The following CRACDL variants were observed in gnomAD, a reference collection of about 807,000 sequenced individuals.
CRACDL encodes CRACD-like protein.
A neutral mutation model predicts 70.6 loss-of-function variants in CRACDL; 26 were observed. That is an observed-to-expected ratio of 0.37 (90% confidence interval 0.27 to 0.51). The LOEUF is 0.51. Among genes scored for constraint, CRACDL ranks in the 20% least tolerant of loss-of-function variants. The probability of loss-of-function intolerance (pLI) is 0.94; values close to 1 mark genes in which losing one functional copy is unlikely to be tolerated. For synonymous variants in CRACDL, 618 were observed against 615.2 expected (o/e 1.00, Z -0.07); for missense variants, 1,283 against 1,376.9 (o/e 0.93, Z 1.08).
At chr2:98,894,505 G>A (rs572811403) in intron 1 of CRACDL, among the ~76,000 whole-genome samples, 5 of 152,312 alleles carry the variant, frequency 3.3e-5, no homozygotes, top group South Asian at 4.1e-4. Context: ...AGAGGGGTGC[G>A]GGGCGGGCCC....
intron 1 of CRACDL, among the ~76,000 whole-genome samples, chr2:98,922,301 ATGG>A (rs1708822622): frequency 6.6e-6 from 1 of 151,880 alleles, no homozygotes; most frequent in Non-Finnish European, 1.5e-5. Context: ...TGCACCGGGC[ATGG>A]TGGTGCACGC....
chr2:98,898,397 T>C (rs1294933979), intron 1 of CRACDL, among the ~76,000 whole-genome samples: 1 of 152,094 alleles, frequency 6.6e-6, no homozygotes, highest in Non-Finnish European at 1.5e-5. Flanking sequence ...AAGTGACAAA[T>C]GTGAGGCCTA....
intron 1 of CRACDL, among the ~76,000 whole-genome samples, chr2:98,906,329 T>C (rs1160070267): frequency 6.6e-6 from 1 of 151,700 alleles, no homozygotes; most frequent in Non-Finnish European, 1.5e-5. Context: ...TGGCGCAATC[T>C]TGGCTCACTG....
intron 1 of CRACDL, among the ~76,000 whole-genome samples, chr2:98,923,443 C>G (rs1272777729): frequency 6.6e-6 from 1 of 152,054 alleles, no homozygotes; most frequent in Non-Finnish European, 1.5e-5. Flanking sequence ...CAGGACACCC[C>G]CTAATGGAAC....
At chr2:98,817,291 T>C (rs938481665) in intron 7 of CRACDL, among the ~76,000 whole-genome samples, 4 of 152,208 alleles carry the variant, frequency 2.6e-5, no homozygotes, top group African/African-American at 9.7e-5. Flanking sequence ...TCTATAACAC[T>C]GTACCTATAG....
chr2:98,828,477 T>C (rs1705406764), intron 5 of CRACDL, among the ~76,000 whole-genome samples: 1 of 152,184 alleles, frequency 6.6e-6, no homozygotes, highest in Non-Finnish European at 1.5e-5. Context: ...GGCGAACTCC[T>C]AGGGTCATGG....
chr2:98,926,291 T>G (rs1189003890), intron 1 of CRACDL, among the ~76,000 whole-genome samples: 1 of 152,204 alleles, frequency 6.6e-6, no homozygotes, highest in Non-Finnish European at 1.5e-5. Flanking sequence ...GCCTAATTCC[T>G]GGATGGGCTA....
intron 2 of CRACDL, among the ~76,000 whole-genome samples, chr2:98,839,503 A>C (rs1047304904): frequency 2.0e-5 from 3 of 152,262 alleles, no homozygotes; most frequent in African/African-American, 7.2e-5. Flanking sequence ...GCATCCTCGA[A>C]GGCCTGAATA....
chr2:98,796,297 A>T, intron 8 of CRACDL, 33 bp from the exon 9 acceptor site: 1 of 1,603,526 alleles, frequency 6.2e-7, no homozygotes, highest in Non-Finnish European at 8.5e-7. Flanking sequence ...CTGCCAAGTT[A>T]ACAATGATTC....
Position 98,838,226 on chromosome 2 carries a change from T to C in CRACDL, c.132A>G (p.Glu44=). The C allele has an allele frequency of 6.2e-7, 1 of 1,613,624 alleles. No homozygotes were observed. Among genetic ancestry groups the C allele is most frequent in the Non-Finnish European group, 8.5e-7 (1 of 1,179,610 alleles). ...TGCTACTTCCTGTGGACGACGGCGA[T>C]TCTTTTCTCTTCTTCTTCCCAAAAA... ...KKFFGKKKRK[E]SPSSTGSSTW... The change falls in exon 3 of 10, where the codon GAA becomes GAG. Residue 44 remains glutamate, a synonymous_variant. Transcript: ENST00000397899.
At chr2:98,807,920 A>G (rs1412275760) in intron 7 of CRACDL, among the ~76,000 whole-genome samples, 1 of 152,174 alleles carries the variant, frequency 6.6e-6, no homozygotes, top group Admixed American at 6.5e-5. Context: ...AGTCTCAGCA[A>G]GATGCTATTT....
chr2:98,849,780 GT>G (rs927711203), intron 1 of CRACDL, among the ~76,000 whole-genome samples: 1 of 152,062 alleles, frequency 6.6e-6, no homozygotes, highest in Non-Finnish European at 1.5e-5. Context: ...ACCTACTCAT[GT>G]TTTATGTCCC....
intron 1 of CRACDL, among the ~76,000 whole-genome samples, chr2:98,860,306 T>G (rs1706887703): frequency 6.6e-6 from 1 of 152,222 alleles, no homozygotes; most frequent in Non-Finnish European, 1.5e-5. Flanking sequence ...TCTGAAAATT[T>G]ATGTGGAAAT....
rs1455670307 is a variant in CRACDL at position 98,837,223 on chromosome 2, AAG to A, written c.239+894_239+895del. 3.6e-3 allele frequency among the ~76,000 whole-genome samples: 539 copies of A among 149,996 alleles called. 5 individuals are homozygous for A. Among genetic ancestry groups the A allele is most frequent in the African/African-American group, 0.013 (521 of 40,608 alleles). ...CCAAAACTGAAAAAAAAAAAAAAAA[AAG>A]GTTCCAATCTTTCCTTTCCAGTCAT... On this transcript the variant is annotated intron_variant, in intron 3 of 9. Coordinates refer to ENST00000397899, the MANE Select transcript of CRACDL (RefSeq NM_207362.3).
At chr2:98,833,066 G>A in intron 3 of CRACDL, 69 bp from the exon 4 acceptor site, 3 of 1,429,144 alleles carry the variant, frequency 2.1e-6, no homozygotes, top group Non-Finnish European at 1.9e-6. Context: ...GGCTCAGAAT[G>A]AGAAAGAGGG....
chr2:98,865,824 G>T (rs1472081126), intron 1 of CRACDL, among the ~76,000 whole-genome samples: 2 of 148,740 alleles, frequency 1.3e-5, no homozygotes, highest in Admixed American at 6.7e-5. Context: ...TTTTGAGACG[G>T]AGTTTCGCTC....
At chr2:98,853,054 G>C (rs1706549367) in intron 1 of CRACDL, among the ~76,000 whole-genome samples, 1 of 141,208 alleles carries the variant, frequency 7.1e-6, no homozygotes, top group African/African-American at 2.6e-5. Context: ...GGAAAGGGAA[G>C]GGGGGGCATT....
intron 1 of CRACDL, among the ~76,000 whole-genome samples, chr2:98,879,904 A>T (rs1707596048): frequency 6.6e-6 from 1 of 152,172 alleles, no homozygotes; most frequent in South Asian, 2.1e-4. Context: ...TTTCTTCAAT[A>T]TTTCCATGGG....
rs1171454496 is a variant in CRACDL, at chr2:98,900,447, AC to A, written c.-11+35490del. ...GGCTCAGTGGGAGGAGTGCCCTGGT[AC>A]CCCTGTGGCAGAGGCAGGCCACAAA... is the stretch of plus-strand genomic sequence containing the variant. On this transcript the variant is annotated intron_variant, in intron 1 of 9. Transcript: ENST00000397899. Among the ~76,000 whole-genome samples, 6 of 151,710 alleles carry A rather than the reference AC, an allele frequency of 4.0e-5. 1 individual carries two copies. The highest frequency in any genetic ancestry group is 3.9e-4 in the Admixed American group (6 of 15,232).
Sources: gnomAD v4.1 joint callset for allele counts (sites outside exome capture counted in the v4.1 genomes callset) on GRCh38, gnomAD v4.1.1 for gene constraint, MANE v1.5 for transcripts, NCBI Gene and HGNC (gene_info 2026-07-23, HGNC 2026-07-21) for gene names.